Variants in SDK2 observed in about 807,000 individuals in gnomAD.
SDK2 encodes protein sidekick-2.
In SDK2, 105 loss-of-function variants were observed where a neutral mutation model predicts 253.9. The ratio of observed to expected loss-of-function variants is 0.41; its 90% CI spans 0.35 to 0.49. The LOEUF is 0.49. Among genes scored for constraint, SDK2 ranks in the 20% least tolerant of loss-of-function variants. SDK2 has a pLI of 0.06. For synonymous variants in SDK2, 1,249 were observed against 1,234.9 expected, an observed-to-expected ratio of 1.01 and a Z score of -0.24; for missense variants, 2,608 against 3,003.0, an observed-to-expected ratio of 0.87 and a Z score of 3.07.
rs112575849 is a variant in SDK2, at chr17:73,527,070, G to T, written c.65-19473C>A. Among the ~76,000 whole-genome samples, 736 of 152,346 alleles carry T rather than the reference G, an allele frequency of 4.8e-3. 3 individuals are homozygous for T. The highest frequency in any genetic ancestry group is 0.016 in the African/African-American group (657 of 41,580). On this transcript the variant is annotated intron_variant, in intron 1 of 44. Coordinates refer to ENST00000392650, the MANE Select transcript of SDK2 (RefSeq NM_001144952.2). ...CGGTGTGAGGCATCACCGGGCATGG[G>T]CTCACTGCGGATACAGGAGCTAGGC...
chr17:73,371,782 A>C (rs2062736078), intron 36 of SDK2, among the ~76,000 whole-genome samples: 1 of 152,120 alleles, frequency 6.6e-6, no homozygotes, highest in Non-Finnish European at 1.5e-5. Flanking sequence ...CAACATGGCG[A>C]AACTCTATCT....
At chr17:73,577,336 AT>A (rs1359464560) in intron 1 of SDK2, among the ~76,000 whole-genome samples, 1 of 152,162 alleles carries the variant, frequency 6.6e-6, no homozygotes, top group Non-Finnish European at 1.5e-5. Context: ...CCAGTTATTC[AT>A]TTTCTTATTT....
intron 1 of SDK2, chr17:73,518,294 A>T (rs950267616): frequency 1.3e-5 from 2 of 149,830 alleles, no homozygotes; most frequent in African/African-American, 2.4e-5. Context: ...TCTGCCACTC[A>T]CAGGCTGTGT....
At chr17:73,357,677 T>C (rs181633100) in intron 40 of SDK2, 225 of 318,226 alleles carry the variant, frequency 7.1e-4, no homozygotes, top group African/African-American at 4.7e-3. Flanking sequence ...TAGCAGCCAC[T>C]GAGACAGCCA....
chr17:73,477,867 T>G (rs910605106), intron 2 of SDK2, among the ~76,000 whole-genome samples: 1 of 152,192 alleles, frequency 6.6e-6, no homozygotes, highest in Non-Finnish European at 1.5e-5. Flanking sequence ...CTGGGTGACC[T>G]GCAACCTTAA....
chr17:73,338,798 G>A lies in SDK2; in HGVS notation c.6308C>T (p.Thr2103Met), dbSNP rs202216577. 4.0e-5 allele frequency: 65 copies of A among 1,613,958 alleles called. No homozygotes were observed. The African/African-American group carries it at 4.9e-4, about 12-fold the overall frequency. Residue 2103 changes from threonine (T) to methionine (M), a missense_variant, in exon 45 of 45, where the codon ACG (threonine) becomes ATG (methionine). Transcript: ENST00000392650. The surrounding 1 kb of genome is among the most constrained non-coding windows in gnomAD (Gnocchi z 5.0). ...GISRAQAYSYTESDSGEPDHT... is the reference protein window; with the variant it reads ...GISRAQAYSYMESDSGEPDHT... Reference sequence around the variant, plus strand: ...GTCTGGCTCACCCGAGTCGCTCTCCGTGTAGCTGTAGGCCTGTGCCCTCGA... The same window carrying A: ...GTCTGGCTCACCCGAGTCGCTCTCCATGTAGCTGTAGGCCTGTGCCCTCGA...
At chr17:73,477,865 C>A (rs1327711531) in intron 2 of SDK2, among the ~76,000 whole-genome samples, 3 of 152,176 alleles carry the variant, frequency 2.0e-5, no homozygotes, top group African/African-American at 4.8e-5. Flanking sequence ...GGCTGGGTGA[C>A]CTGCAACCTT....
intron 2 of SDK2, among the ~76,000 whole-genome samples, chr17:73,499,980 A>G (rs1392029275): frequency 6.6e-6 from 1 of 152,022 alleles, no homozygotes; most frequent in African/African-American, 2.4e-5. Flanking sequence ...TAATTATGCC[A>G]GAAGGTGTTA....
At chr17:73,573,914 C>T (rs993997618) in intron 1 of SDK2, among the ~76,000 whole-genome samples, 1 of 152,228 alleles carries the variant, frequency 6.6e-6, no homozygotes, top group African/African-American at 2.4e-5. Flanking sequence ...GCCTTGCTCT[C>T]AGGGGCCCTG....
intron 1 of SDK2, among the ~76,000 whole-genome samples, chr17:73,549,062 C>T (rs895935914): frequency 6.6e-6 from 1 of 152,232 alleles, no homozygotes; most frequent in Admixed American, 6.5e-5. Context: ...CGTTGTTGGC[C>T]GAGGTGCTGG....
chr17:73,551,859 A>G, intron 1 of SDK2, among the ~76,000 whole-genome samples: 1 of 152,102 alleles, frequency 6.6e-6, no homozygotes. Flanking sequence ...GACCCAGTCC[A>G]TCTGGAGACC....
chr17:73,568,343 C>T lies in SDK2; in HGVS notation c.65-60746G>A, dbSNP rs79824584. Among the ~76,000 whole-genome samples, 869 of 152,304 alleles carry T rather than the reference C, an allele frequency of 5.7e-3. 23 individuals carry two copies. Among genetic ancestry groups the T allele is most frequent in the Admixed American group, 0.043 (651 of 15,310 alleles). On this transcript the variant is annotated intron_variant, in intron 1 of 44. Coordinates refer to ENST00000392650, the MANE Select transcript of SDK2 (RefSeq NM_001144952.2). ...TCTTGAGCCCCTCGCTAGAAAGATGCTAGTGCCATGCTTCCTGTACAGCCT... is the reference window on the plus strand; with the variant it reads ...TCTTGAGCCCCTCGCTAGAAAGATGTTAGTGCCATGCTTCCTGTACAGCCT...
chr17:73,350,855 C>T (rs1386448830), intron 41 of SDK2, 65 bp from the exon 42 acceptor site: 2 of 1,510,368 alleles, frequency 1.3e-6, no homozygotes, highest in East Asian at 2.3e-5. Flanking sequence ...TCTCCTGCTC[C>T]AGTTGGGACC....
At chr17:73,483,860 A>G (rs1250785165) in intron 2 of SDK2, among the ~76,000 whole-genome samples, 1 of 151,036 alleles carries the variant, frequency 6.6e-6, no homozygotes, top group African/African-American at 2.4e-5. Flanking sequence ...ACGTTTTATT[A>G]CTAGGAGCAG....
chr17:73,484,743 T>C (rs1375017369), intron 2 of SDK2, among the ~76,000 whole-genome samples: 4 of 152,216 alleles, frequency 2.6e-5, no homozygotes, highest in Non-Finnish European at 5.9e-5. Flanking sequence ...AGGTGTTCCT[T>C]GGCTTGCAGC....
In SDK2 at chr17:73,571,886, C is replaced by G. The variant is rs537151283; in HGVS notation, c.65-64289G>C. On this transcript the variant is annotated intron_variant, in intron 1 of 44. Coordinates refer to ENST00000392650, the MANE Select transcript of SDK2 (RefSeq NM_001144952.2). The stretch of plus-strand genomic sequence containing the variant: ...AGGACAGGCAGAGCCCCAGGTGCCC[C>G]CTTGACAACACATGCCGGGCTTTCC... Among the ~76,000 whole-genome samples, 236 of 152,318 alleles carry G rather than the reference C, an allele frequency of 1.5e-3. 1 individual carries two copies. The highest frequency in any genetic ancestry group is 5.3e-3 in the African/African-American group (222 of 41,572).
intron 2 of SDK2, among the ~76,000 whole-genome samples, chr17:73,479,959 C>T (rs2063711010): frequency 6.6e-6 from 1 of 152,258 alleles, no homozygotes; most frequent in Non-Finnish European, 1.5e-5. Context: ...TCCCAAAGTG[C>T]TGGGATTACA....
rs117462347 is a variant in SDK2, at chr17:73,496,245, C to G, written c.224+11193G>C. Among the ~76,000 whole-genome samples, 1,493 of 152,224 alleles carry G rather than the reference C, an allele frequency of 9.8e-3. 38 individuals carry two copies. Among genetic ancestry groups the G allele is most frequent in the East Asian group, 0.096 (496 of 5,150 alleles). Reference sequence around the variant, plus strand: ...CATCTTGCATGACATTCCCAGCCACCCTGGGAGGTAGCTACTGGTCTTATT... The same window carrying G: ...CATCTTGCATGACATTCCCAGCCACGCTGGGAGGTAGCTACTGGTCTTATT... On this transcript the variant is annotated intron_variant, in intron 2 of 44. Transcript: ENST00000392650. This position sits in a 1 kb window ranked among gnomAD's most constrained non-coding sequence, Gnocchi z 4.7.
chr17:73,390,439 G>T lies in SDK2; in HGVS notation c.4040C>A (p.Thr1347Asn). ...GGGTGCCAGCACCTCCACAGTGGCG[G>T]TGTTGGCCGTGGTGGTGTTGAGCCG... is the stretch of plus-strand genomic sequence containing the variant. ...THRLNTTTAN[T>N]ATVEVLAPSA... Residue 1347 changes from threonine (T) to asparagine (N), a missense_variant, in exon 29 of 45, where the codon ACC becomes AAC. Physicochemically the swap from Thr to Asn is moderately conservative, Grantham distance 65. Around this residue, in one of 2 missense-constraint regions of SDK2, gnomAD observed 1,103 missense variants for 1,143.9 expected, o/e 0.96. Transcript: ENST00000392650. 2.5e-6 allele frequency: 4 copies of T among 1,612,646 alleles called. No individual in the cohort carries two copies. Among genetic ancestry groups the T allele is most frequent in the Non-Finnish European group, 3.4e-6 (4 of 1,179,338 alleles).
Sources: allele counts gnomAD v4.1 joint callset (sites outside exome capture counted in the v4.1 genomes callset), GRCh38; gene constraint gnomAD v4.1.1; regional missense constraint gnomAD v4.1.1; non-coding constraint Gnocchi (gnomAD v3.1); transcripts MANE v1.5; gene names NCBI Gene and HGNC (gene_info 2026-07-23, HGNC 2026-07-21).